The following CLPB variants were observed in gnomAD, a reference collection of about 807,000 sequenced individuals.
CLPB encodes mitochondrial disaggregase.
A neutral mutation model predicts 78.4 loss-of-function variants in CLPB; 40 were observed. That is an observed-to-expected ratio of 0.51 (90% CI 0.40 to 0.66). CLPB has a LOEUF of 0.66. CLPB is among the 30% of genes least tolerant of loss of function. The probability of loss-of-function intolerance (pLI) is 0.00; values close to 1 mark genes in which losing one functional copy is unlikely to be tolerated. For synonymous variants in CLPB, 333 were observed against 348.0 expected (o/e 0.96, Z 0.48); for missense variants, 780 against 886.9 (o/e 0.88, Z 1.53).
chr11:72,314,622 T>C (rs541438201), intron 7 of CLPB, among the ~76,000 whole-genome samples: 9 of 152,152 alleles, frequency 5.9e-5, no homozygotes, highest in African/African-American at 2.2e-4. Flanking sequence ...GTGCCAGGAA[T>C]TGGGAGCACA....
chr11:72,376,247 T>C (rs966533739), intron 4 of CLPB, among the ~76,000 whole-genome samples: 9 of 152,202 alleles, frequency 5.9e-5, no homozygotes, highest in African/African-American at 2.2e-4. Context: ...TTCTATTTCA[T>C]CCATGAGAAT....
At chr11:72,349,809 G>A (rs1950580765) in intron 5 of CLPB, among the ~76,000 whole-genome samples, 1 of 152,254 alleles carries the variant, frequency 6.6e-6, no homozygotes, top group South Asian at 2.1e-4. Context: ...ACTCAGCGCT[G>A]TTTCCAGGCT....
chr11:72,364,960 T>C (rs913757629), intron 4 of CLPB, among the ~76,000 whole-genome samples: 1 of 152,106 alleles, frequency 6.6e-6, no homozygotes. Context: ...AAATAAGACA[T>C]ACAAATGGCC....
intron 3 of CLPB, among the ~76,000 whole-genome samples, chr11:72,391,835 C>T (rs1357700070): frequency 6.6e-6 from 1 of 152,158 alleles, no homozygotes; most frequent in Non-Finnish European, 1.5e-5. Context: ...AATTAATTTG[C>T]TGATCAGGCT....
At chr11:72,353,473 G>A (rs1278815910) in intron 5 of CLPB, among the ~76,000 whole-genome samples, 2 of 152,182 alleles carry the variant, frequency 1.3e-5, no homozygotes, top group African/African-American at 2.4e-5. Context: ...ATTAAGAGTC[G>A]GGGAAGGGGA....
At chr11:72,309,027 G>T (rs867009663) in intron 7 of CLPB, among the ~76,000 whole-genome samples, 44 of 152,338 alleles carry the variant, frequency 2.9e-4, no homozygotes, top group African/African-American at 1.0e-3. Context: ...AGAAGCCCAT[G>T]GCAGGCCCTT....
chr11:72,380,547 G>T (rs752023320), intron 3 of CLPB, among the ~76,000 whole-genome samples, 163 bp from the exon 4 acceptor site: 5 of 152,164 alleles, frequency 3.3e-5, no homozygotes, highest in Admixed American at 6.5e-5. Context: ...ACAAGGATAG[G>T]AAAGACAGGG....
chr11:72,300,131 C>T (rs1313566312), intron 11 of CLPB, among the ~76,000 whole-genome samples: 1 of 152,128 alleles, frequency 6.6e-6, no homozygotes, highest in East Asian at 1.9e-4. Context: ...TAGAACTGGG[C>T]TGCCTGGGTT....
intron 6 of CLPB, among the ~76,000 whole-genome samples, chr11:72,324,449 C>G (rs1345431961): frequency 6.6e-6 from 1 of 151,964 alleles, no homozygotes; most frequent in Non-Finnish European, 1.5e-5. Context: ...CCCTGTAATT[C>G]CAGCTACTGG....
chr11:72,418,868 A>AAAAG (rs1554971522), intron 2 of CLPB, among the ~76,000 whole-genome samples: 6 of 151,700 alleles, frequency 4.0e-5, no homozygotes, highest in Non-Finnish European at 7.4e-5. Flanking sequence ...AAAAAAAAAA[A>AAAAG]AAAAGAAAAG....
intron 4 of CLPB, among the ~76,000 whole-genome samples, chr11:72,375,038 CA>C (rs1355385363): frequency 3.9e-5 from 6 of 152,170 alleles, no homozygotes; most frequent in Non-Finnish European, 7.4e-5. Context: ...TCAATTCTCA[CA>C]ATCCACTGAG....
At chr11:72,434,033 C>A in intron 1 of CLPB, 39 bp downstream of exon 1, 1 of 1,593,780 alleles carries the variant, frequency 6.3e-7, no homozygotes. Context: ...GGACAATCTT[C>A]CCGCCTCTCC....
chr11:72,340,225 G>A (rs1950395608), intron 5 of CLPB, among the ~76,000 whole-genome samples: 1 of 152,198 alleles, frequency 6.6e-6, no homozygotes, highest in African/African-American at 2.4e-5. Context: ...TTAAATCCCA[G>A]TCTCACAGGA....
chr11:72,294,614 TCTTA>T lies in CLPB; in HGVS notation c.1560+2_1560+5del, dbSNP rs1242832482. 4 of 1,613,630 alleles carry T rather than the reference TCTTA, an allele frequency of 2.5e-6. No homozygotes were observed. Among genetic ancestry groups the T allele is most frequent in the Non-Finnish European group, 3.4e-6 (4 of 1,179,618 alleles). On this transcript the variant is annotated splice_donor_variant and splice_donor_5th_base_variant and intron_variant, in intron 13 of 15. Coordinates refer to ENST00000538039, the MANE Select transcript of CLPB (RefSeq NM_001258392.3). LOFTEE classifies it high-confidence loss of function. ...CCAGCAGGAAGTGCCAAGAAAGACC[TCTTA>T]CTTTCAGGATAGGGCGAATCACATT...
At chr11:72,297,425 G>C (rs1055311930) in intron 11 of CLPB, among the ~76,000 whole-genome samples, 11 of 152,236 alleles carry the variant, frequency 7.2e-5, no homozygotes, top group African/African-American at 2.4e-4. Flanking sequence ...TTGAGAAACT[G>C]TTAATTCCCA....
chr11:72,430,660 T>G (rs188969036), intron 1 of CLPB, among the ~76,000 whole-genome samples: 33 of 152,320 alleles, frequency 2.2e-4, no homozygotes, highest in Admixed American at 1.6e-3. Context: ...TAATGTGCTC[T>G]TCATAATCTA....
intron 2 of CLPB, chr11:72,411,612 C>T (rs1184149433): frequency 6.6e-6 from 1 of 152,170 alleles, no homozygotes; most frequent in Non-Finnish European, 1.5e-5. Flanking sequence ...AAAGACAACT[C>T]CCCAGGCTCT....
chr11:72,384,020 G>C (rs1474369736), intron 3 of CLPB, among the ~76,000 whole-genome samples: 2 of 152,228 alleles, frequency 1.3e-5, no homozygotes, highest in African/African-American at 4.8e-5. Context: ...CAGGCGTGGT[G>C]TCACATGCCA....
Position 72,434,282 on chromosome 11 carries a change from C to A in CLPB, c.193G>T (p.Gly65Ter), listed in dbSNP as rs368496010. 1.2e-6 allele frequency: 2 copies of A among 1,612,302 alleles called. No individual in the cohort carries two copies. The highest frequency in any genetic ancestry group is 1.1e-5 in the South Asian group (1 of 91,038). The change falls in exon 1 of 16, where the codon GGA (glycine) becomes TGA (stop). Residue 65 changes from glycine to a stop codon, truncating the protein, a stop_gained. Coordinates refer to ENST00000538039, the MANE Select transcript of CLPB (RefSeq NM_001258392.3). LOFTEE classifies it high-confidence loss of function. The part of the protein sequence containing the change: ...RPGTSPALFS[G>*]RGAATGGRQG... ...CGCCCCCCGGTGGCTGCCCCACGTC[C>A]GGAGAACAAGGCCGGCGATGTTCCA...
Sources: allele counts gnomAD v4.1 joint callset (sites outside exome capture counted in the v4.1 genomes callset), GRCh38; gene constraint gnomAD v4.1.1; transcripts MANE v1.5; gene names NCBI Gene and HGNC (gene_info 2026-07-23, HGNC 2026-07-21).